Variants in CHN2 observed in about 807,000 individuals in gnomAD.
CHN2 encodes beta-chimaerin.
A neutral mutation model predicts 56.3 loss-of-function variants in CHN2; 35 were observed. The ratio of observed to expected loss-of-function variants is 0.62; its 90% confidence interval spans 0.47 to 0.82. CHN2 has a LOEUF of 0.82. Among genes scored for constraint, CHN2 ranks in the 40% least tolerant of loss-of-function variants. CHN2 has a pLI of 0.00. For missense variants in CHN2, 491 were observed against 580.5 expected (o/e 0.85, Z 1.58); for synonymous variants, 210 against 212.8 (o/e 0.99, Z 0.12).
intron 6 of CHN2, among the ~76,000 whole-genome samples, chr7:29,422,972 G>A (rs557286738): frequency 6.6e-6 from 1 of 152,366 alleles, no homozygotes; most frequent in African/African-American, 2.4e-5. Flanking sequence ...CACTGTTACA[G>A]CTCTTTTTAC....
intron 1 of CHN2, among the ~76,000 whole-genome samples, chr7:29,217,941 A>G (rs1025891517): frequency 6.6e-6 from 1 of 152,166 alleles, no homozygotes; most frequent in Non-Finnish European, 1.5e-5. Context: ...TAGATGGCTT[A>G]TCATCCTGAT....
At position 29,504,941 on chromosome 7, in the gene CHN2, G is replaced by A. The variant is rs113750221; in HGVS notation, c.991+120G>A. 959 of 664,342 alleles carry A rather than the reference G, an allele frequency of 1.4e-3. 1 individual carries two copies. The highest frequency in any genetic ancestry group is 3.1e-3 in the African/African-American group (170 of 55,574). 41.2% of individuals were successfully genotyped at this position (664,342 alleles called of 1,614,324 possible). The stretch of plus-strand genomic sequence containing the variant: ...TACTAAGAGTTGTTCTTCAAGAAAC[G>A]GAGGAATAATGGCTTACAAATCTCA... On this transcript the variant is annotated intron_variant, in intron 10 of 12. Transcript: ENST00000222792.
At chr7:29,249,655 C>T (rs1240669944) in intron 1 of CHN2, among the ~76,000 whole-genome samples, 2 of 152,218 alleles carry the variant, frequency 1.3e-5, no homozygotes, top group East Asian at 1.9e-4. Context: ...TGCTGGATTA[C>T]AGGTTATTTG....
chr7:29,157,252 C>T (rs1370587035), intron 2 of CHN2, among the ~76,000 whole-genome samples: 2 of 152,116 alleles, frequency 1.3e-5, no homozygotes. Context: ...TGAGATGCGA[C>T]CCCTCCCCCA....
intron 1 of CHN2, among the ~76,000 whole-genome samples, chr7:29,228,026 C>A (rs1786347055): frequency 6.6e-6 from 1 of 151,966 alleles, no homozygotes; most frequent in African/African-American, 2.4e-5. Context: ...AAATTCTCAG[C>A]CCTATATATT....
At chr7:29,164,403 A>G (rs895612295) in intron 2 of CHN2, among the ~76,000 whole-genome samples, 1 of 152,204 alleles carries the variant, frequency 6.6e-6, no homozygotes, top group African/African-American at 2.4e-5. Context: ...TTCATAAAAT[A>G]TATATTTTGC....
chr7:29,332,364 A>G (rs1796290922), intron 1 of CHN2, among the ~76,000 whole-genome samples: 1 of 152,230 alleles, frequency 6.6e-6, no homozygotes, highest in Admixed American at 6.5e-5. Context: ...CTCTAAATAC[A>G]GCTGCTAGCT....
At chr7:29,283,529 C>T (rs910102958) in intron 1 of CHN2, among the ~76,000 whole-genome samples, 3 of 152,166 alleles carry the variant, frequency 2.0e-5, no homozygotes, top group African/African-American at 7.2e-5. Context: ...AGTAAGGTCC[C>T]TAATCAGTTG....
chr7:29,225,557 GT>G (rs1786125078), intron 1 of CHN2, among the ~76,000 whole-genome samples: 1 of 152,260 alleles, frequency 6.6e-6, no homozygotes, highest in Non-Finnish European at 1.5e-5. Flanking sequence ...CCAAATATTT[GT>G]TTTGCAAAAC....
chr7:29,219,182 A>G (rs1039160763), intron 1 of CHN2, among the ~76,000 whole-genome samples: 1 of 152,204 alleles, frequency 6.6e-6, no homozygotes, highest in African/African-American at 2.4e-5. Flanking sequence ...ACTCATGTGT[A>G]GTCAAGGTAA....
chr7:29,469,510 C>A (rs1272288491), intron 6 of CHN2, among the ~76,000 whole-genome samples: 4 of 152,166 alleles, frequency 2.6e-5, no homozygotes, highest in African/African-American at 9.7e-5. Context: ...TCTAGCTGTT[C>A]CTGATCTTTG....
At chr7:29,453,897 T>C (rs994171310) in intron 6 of CHN2, among the ~76,000 whole-genome samples, 1 of 152,212 alleles carries the variant, frequency 6.6e-6, no homozygotes, top group Non-Finnish European at 1.5e-5. Context: ...TGTGGAAACC[T>C]TGTGCATCCT....
At chr7:29,501,843 G>A (rs1686098166) in intron 9 of CHN2, among the ~76,000 whole-genome samples, 3 of 152,114 alleles carry the variant, frequency 2.0e-5, no homozygotes, top group Non-Finnish European at 4.4e-5. Flanking sequence ...TTGTCTCTGC[G>A]TGATGTGGCA....
chr7:29,203,610 G>GT (rs1327832209), intron 1 of CHN2, among the ~76,000 whole-genome samples: 1 of 151,412 alleles, frequency 6.6e-6, no homozygotes, highest in Non-Finnish European at 1.5e-5. Flanking sequence ...CATTATATTT[G>GT]TATTGGACAG....
chr7:29,211,810 T>C (rs1259475976), intron 1 of CHN2, among the ~76,000 whole-genome samples: 2 of 152,026 alleles, frequency 1.3e-5, no homozygotes, highest in Admixed American at 6.5e-5. Flanking sequence ...CTACACTGCG[T>C]AGCACTATTT....
chr7:29,333,257 C>T (rs1047936628), intron 1 of CHN2, among the ~76,000 whole-genome samples: 1 of 152,164 alleles, frequency 6.6e-6, no homozygotes, highest in Non-Finnish European at 1.5e-5. Context: ...ACGGCTGTCC[C>T]ACACCAGGCG....
chr7:29,400,998 G>C, intron 6 of CHN2, 170 bp downstream of exon 6: 2 of 671,990 alleles, frequency 3.0e-6, no homozygotes, highest in Admixed American at 5.9e-5. Context: ...CTCAGGCCGG[G>C]CGTGGTGGCT....
At chr7:29,455,881 C>T (rs1784715521) in intron 6 of CHN2, among the ~76,000 whole-genome samples, 1 of 152,100 alleles carries the variant, frequency 6.6e-6, no homozygotes, top group African/African-American at 2.4e-5. Flanking sequence ...TCAGCTCACC[C>T]TGCATTAAGA....
Position 29,500,105 on chromosome 7 carries a change from TGTC to T in CHN2, c.913+66_913+68del, listed in dbSNP as rs1325445061. ...TATTTTTATTGTTTGTTTTTACTGT[TGTC>T]AAGGAAACAGAGTTGCTCTACTACT... On this transcript the variant is annotated intron_variant, in intron 9 of 12. Transcript: ENST00000222792. 4 of 1,295,074 alleles carry T rather than the reference TGTC, an allele frequency of 3.1e-6. No individual in the cohort carries two copies. The African/African-American group carries it at 6.1e-5, about 20-fold the overall frequency. The allele number at this position is 1,295,074 out of a possible 1,614,324, so 80.2% of individuals were successfully genotyped here. A position where few individuals can be genotyped will look rare whatever the true frequency, so the allele number is the denominator to read the frequency against.
Sources: gnomAD v4.1 joint callset for allele counts (sites outside exome capture counted in the v4.1 genomes callset) on GRCh38, gnomAD v4.1.1 for gene constraint, MANE v1.5 for transcripts, NCBI Gene and HGNC (gene_info 2026-07-23, HGNC 2026-07-21) for gene names.